The following SEC22A variants were observed in gnomAD, a reference collection of about 807,000 sequenced individuals.
SEC22A encodes SEC22 homolog A, vesicle trafficking protein.
Under a neutral mutation model 35.3 loss-of-function variants are expected in SEC22A, and 22 were observed. The observed-to-expected ratio is 0.62, with a 90% CI of 0.45 to 0.89. The LOEUF (loss-of-function observed/expected upper bound fraction) is 0.89. Ranked by LOEUF, SEC22A falls within the 40% of genes least tolerant of loss-of-function variation. The pLI is 0.00. For synonymous variants in SEC22A, 119 were observed against 129.5 expected (o/e 0.92, Z 0.55); for missense variants, 354 against 362.5 (o/e 0.98, Z 0.19).
chr3:123,219,344 G>C (rs75459590), intron 2 of SEC22A, among the ~76,000 whole-genome samples: 3,303 of 152,154 alleles, frequency 0.022, 113 homozygotes, highest in African/African-American at 0.076. Context: ...TCTTAATTTC[G>C]GGAATAAAAT....
intron 1 of SEC22A, among the ~76,000 whole-genome samples, chr3:123,205,391 T>C (rs1936834259): frequency 6.6e-6 from 1 of 152,132 alleles, no homozygotes. Context: ...CTAAAGTACA[T>C]ATTAGGAAAA....
intron 4 of SEC22A, among the ~76,000 whole-genome samples, chr3:123,225,790 T>C (rs978162985): frequency 7.9e-5 from 12 of 152,266 alleles, no homozygotes; most frequent in Admixed American, 6.5e-4. Context: ...CTAAATCTTA[T>C]TCATTTTAGC....
rs760338224 is a variant in SEC22A, at chr3:123,271,614, A to C, written c.816A>C (p.Glu272Asp). The C allele has an allele frequency of 7.4e-6, 12 of 1,614,164 alleles. No homozygotes were observed. The Admixed American group carries it at 2.0e-4, about 27-fold the overall frequency. ...GTCTATGCAACATGTATCTCTATGA[A>C]CTGCGCAACCTCTGGCAGCTTTTCT... ...LICLCNMYLY[E>D]LRNLWQLFFH... The change falls in exon 7 of 7, where the codon GAA (glutamate) becomes GAC (aspartate). Residue 272 changes from glutamate (E) to aspartate (D), a missense_variant. Glu to Asp is a conservative substitution (Grantham distance 45). Coordinates refer to ENST00000492595, the MANE Select transcript of SEC22A (RefSeq NM_012430.5).
At chr3:123,204,591 G>A (rs1936815800) in intron 1 of SEC22A, 1 of 152,088 alleles carries the variant, frequency 6.6e-6, no homozygotes, top group Non-Finnish European at 1.5e-5. Context: ...TATTATCTTG[G>A]GTCCAGGAAC....
chr3:123,234,453 A>G (rs9813650), intron 4 of SEC22A, among the ~76,000 whole-genome samples: 41,915 of 152,034 alleles, frequency 0.28, 7,205 homozygotes, highest in Non-Finnish European at 0.4. Context: ...AATTGAGAGT[A>G]CAGAAGTAAA....
At chr3:123,222,286 C>T (rs182535573) in intron 2 of SEC22A, among the ~76,000 whole-genome samples, 359 of 152,172 alleles carry the variant, frequency 2.4e-3, no homozygotes, top group African/African-American at 8.0e-3. Context: ...GCAACCTCCA[C>T]CTCCTGGGTT....
chr3:123,207,758 A>G (rs1936875353), intron 1 of SEC22A, among the ~76,000 whole-genome samples: 1 of 152,176 alleles, frequency 6.6e-6, no homozygotes, highest in Non-Finnish European at 1.5e-5. Context: ...AGGTTGAGTG[A>G]CTGTTGACCT....
At chr3:123,225,977 A>G (rs1486395662) in intron 4 of SEC22A, among the ~76,000 whole-genome samples, 1 of 152,168 alleles carries the variant, frequency 6.6e-6, no homozygotes, top group Non-Finnish European at 1.5e-5. Flanking sequence ...AGTTTATTTC[A>G]GTTAATAAAA....
At chr3:123,264,270 A>G (rs1434541929) in intron 6 of SEC22A, among the ~76,000 whole-genome samples, 1 of 152,250 alleles carries the variant, frequency 6.6e-6, no homozygotes, top group Non-Finnish European at 1.5e-5. Context: ...TAAAGCTGCT[A>G]TAAACAATTA....
chr3:123,238,199 T>C (rs1232592064), intron 4 of SEC22A, among the ~76,000 whole-genome samples: 1 of 152,072 alleles, frequency 6.6e-6, no homozygotes, highest in African/African-American at 2.4e-5. Flanking sequence ...TTTATTTTAT[T>C]TTATTTTTAT....
rs190017658 is a variant in SEC22A at position 123,250,418 on chromosome 3, A to T, written c.657+4404A>T. On this transcript the variant is annotated intron_variant, in intron 5 of 6. Transcript: ENST00000492595. Reference sequence around the variant, plus strand: ...AAGTGAGACTCCGTCTCAAAAAAAAAATAAAAAAATAAGAAGTTGGAGGAA... The same window carrying T: ...AAGTGAGACTCCGTCTCAAAAAAAATATAAAAAAATAAGAAGTTGGAGGAA... Among the ~76,000 whole-genome samples the T allele has an allele frequency of 2.6e-3, 391 of 152,206 alleles. 5 individuals are homozygous for T. The highest frequency in any genetic ancestry group is 9.0e-3 in the African/African-American group (373 of 41,534).
At chr3:123,231,016 A>G (rs1391951962) in intron 4 of SEC22A, among the ~76,000 whole-genome samples, 5 of 152,182 alleles carry the variant, frequency 3.3e-5, no homozygotes, top group African/African-American at 1.2e-4. Context: ...TGGAGTACCA[A>G]TACTAATATC....
At chr3:123,222,098 G>A (rs62262561) in intron 2 of SEC22A, among the ~76,000 whole-genome samples, 29,811 of 149,778 alleles carry the variant, frequency 0.2, 3,036 homozygotes, top group Middle Eastern at 0.28. Flanking sequence ...TTTTTTTGTC[G>A]GTTGACCCAG....
intron 6 of SEC22A, among the ~76,000 whole-genome samples, chr3:123,260,169 A>AAAAAAAAAAAAAAAAAAAAAAAAAC (rs1559763879): frequency 1.7e-5 from 2 of 114,758 alleles, no homozygotes; most frequent in African/African-American, 7.0e-5. Flanking sequence ...AAAAAAAAAA[A>AAAAAAAAAAAAAAAAAAAAAAAAAC]CTACTAGATT....
intron 5 of SEC22A, among the ~76,000 whole-genome samples, chr3:123,247,273 G>T (rs1937575041): frequency 6.6e-6 from 1 of 152,166 alleles, no homozygotes; most frequent in Non-Finnish European, 1.5e-5. Flanking sequence ...TAGTATAGGG[G>T]TATGAAGAGT....
intron 6 of SEC22A, among the ~76,000 whole-genome samples, chr3:123,267,060 C>G (rs1938043745): frequency 6.6e-6 from 1 of 151,998 alleles, no homozygotes; most frequent in Non-Finnish European, 1.5e-5. Context: ...TATCTGGTAT[C>G]AATATAGCCA....
At chr3:123,253,884 A>T (rs1003410664) in intron 5 of SEC22A, among the ~76,000 whole-genome samples, 3 of 151,962 alleles carry the variant, frequency 2.0e-5, no homozygotes, top group Non-Finnish European at 4.4e-5. Flanking sequence ...GAATTAGGAG[A>T]TCCTACAAGA....
chr3:123,202,539 T>G (rs1224269457), intron 1 of SEC22A, among the ~76,000 whole-genome samples: 2 of 152,108 alleles, frequency 1.3e-5, no homozygotes, highest in Non-Finnish European at 2.9e-5. Flanking sequence ...CTTGAGACCC[T>G]GTCTCAAGAG....
chr3:123,236,811 A>ATG (rs1553710986), intron 4 of SEC22A, among the ~76,000 whole-genome samples: 1 of 146,332 alleles, frequency 6.8e-6, no homozygotes, highest in Non-Finnish European at 1.5e-5. Context: ...CATAAGAAAC[A>ATG]CGCACACACA....
Sources: gnomAD v4.1 joint callset for allele counts (sites outside exome capture counted in the v4.1 genomes callset) on GRCh38, gnomAD v4.1.1 for gene constraint, MANE v1.5 for transcripts, NCBI Gene and HGNC (gene_info 2026-07-23, HGNC 2026-07-21) for gene names.